Variants in NPAS1 observed in about 807,000 individuals in gnomAD.
NPAS1 encodes the protein neuronal PAS domain protein 1, also known as neuronal PAS domain-containing protein 1.
A neutral mutation model predicts 49.2 loss-of-function variants in NPAS1; 29 were observed. The observed-to-expected ratio is 0.59, with a 90% CI of 0.44 to 0.80. NPAS1 has a LOEUF of 0.80. NPAS1 is among the 30% of genes least tolerant of loss of function. NPAS1 has a pLI of 0.00. For missense variants in NPAS1, 825 were observed against 835.5 expected (o/e 0.99, Z 0.15); for synonymous variants, 408 against 380.4 (o/e 1.07, Z -0.84).
Position 47,045,217 on chromosome 19 carries a change from C to T in NPAS1, c.1339C>T (p.Gln447Ter). 2.5e-6 allele frequency: 4 copies of T among 1,613,790 alleles called. No individual in the cohort carries two copies. The highest frequency in any genetic ancestry group is 1.1e-5 in the South Asian group (1 of 91,084). The change falls in exon 12 of 12, where the codon CAG becomes TAG. Residue 447 changes from glutamine to a stop codon, truncating the protein, a stop_gained. Transcript: ENST00000602212. LOFTEE classifies it low-confidence loss of function (END_TRUNC). ...TEPEPPTEGK[Q>*]AAPAENEAPQ... ...GCCGGAGCCTCCGACGGAAGGGAAG[C>T]AGGCTGCCCCAGCGGAGAACGAGGC...
At chr19:47,029,628 T>C (rs912788177) in intron 3 of NPAS1, among the ~76,000 whole-genome samples, 91 of 152,266 alleles carry the variant, frequency 6.0e-4, no homozygotes, top group African/African-American at 2.2e-3. Flanking sequence ...CTTGAACTCC[T>C]GGCCTCAGGT....
Position 47,021,527 on chromosome 19 carries a change from GC to G in NPAS1, c.123-81del. 1 of 914,622 alleles carries G rather than the reference GC, an allele frequency of 1.1e-6. No individual in the cohort carries two copies. 56.7% of individuals were successfully genotyped at this position (914,622 alleles called of 1,614,324 possible). On this transcript the variant is annotated intron_variant, in intron 2 of 11. Transcript: ENST00000602212. The surrounding 1 kb of genome is among the most constrained non-coding windows in gnomAD (Gnocchi z 5.7). Reference sequence around the variant, plus strand: ...CCCAACGTCCCGTCCCGTTCCCAAGGCCCCGGGAGGCGGGGCTCGCCCCCAG... The same window carrying G: ...CCCAACGTCCCGTCCCGTTCCCAAGGCCCGGGAGGCGGGGCTCGCCCCCAG...
intron 6 of NPAS1, among the ~76,000 whole-genome samples, chr19:47,037,447 C>T (rs748225451): frequency 1.2e-4 from 18 of 151,462 alleles, no homozygotes; most frequent in Non-Finnish European, 1.3e-4. Flanking sequence ...AGGCACGGCG[C>T]GGAGAGGTTA....
At chr19:47,042,527 G>A (rs1353738710) in intron 10 of NPAS1, among the ~76,000 whole-genome samples, 2 of 152,236 alleles carry the variant, frequency 1.3e-5, no homozygotes, top group Admixed American at 1.3e-4. Flanking sequence ...TTGAAAGGAA[G>A]ATGTAGACAT....
intron 3 of NPAS1, among the ~76,000 whole-genome samples, chr19:47,027,928 A>G (rs1357724657): frequency 1.3e-5 from 2 of 151,978 alleles, no homozygotes; most frequent in Admixed American, 1.3e-4. Context: ...GGGGAGAGGG[A>G]GAGGAGGAAA....
intron 3 of NPAS1, among the ~76,000 whole-genome samples, chr19:47,025,674 CAA>C (rs1198630752): frequency 1.3e-5 from 2 of 151,872 alleles, no homozygotes; most frequent in African/African-American, 4.8e-5. Flanking sequence ...CTACTAGGCT[CAA>C]GAGTTCCTCT....
chr19:47,021,858 A>G lies in NPAS1; in HGVS notation c.358+11A>G. 1 of 1,438,684 alleles carries G rather than the reference A, an allele frequency of 7.0e-7. No homozygotes were observed. Among genetic ancestry groups the G allele is most frequent in the Non-Finnish European group, 9.1e-7 (1 of 1,099,574 alleles). 89.1% of individuals were successfully genotyped at this position (1,438,684 alleles called of 1,614,324 possible). The stretch of plus-strand genomic sequence containing the variant: ...CGCCAGCTGGCCTCGGTGAGTGCTC[A>G]TGCGCGGGGCGAGGGTCCCGGGGCC... On this transcript the variant is annotated intron_variant, in intron 3 of 11. Transcript: ENST00000602212. This position sits in a 1 kb window ranked among gnomAD's most constrained non-coding sequence, Gnocchi z 5.7.
chr19:47,035,734 T>G, intron 5 of NPAS1: 2 of 495,372 alleles, frequency 4.0e-6, no homozygotes, highest in Non-Finnish European at 7.0e-6. Context: ...CTTAATAGAG[T>G]GGGCGGGGAA....
In NPAS1 at chr19:47,021,203, C is replaced by T. The variant is rs767761168; in HGVS notation, c.122+34C>T. On this transcript the variant is annotated intron_variant, in intron 2 of 11. Coordinates refer to ENST00000602212, the MANE Select transcript of NPAS1 (RefSeq NM_002517.4). The surrounding 1 kb of genome is among the most constrained non-coding windows in gnomAD (Gnocchi z 5.7). ...AGCCCCGCCCCCCTGGCCGCGGGCC[C>T]CCCCCCGGGTCCAATTCACACCCGA... The T allele has an allele frequency of 8.1e-6, 12 of 1,488,382 alleles. No individual in the cohort carries two copies. Among genetic ancestry groups the T allele is most frequent in the African/African-American group, 5.7e-5 (4 of 70,056 alleles). The allele number at this position is 1,488,382 out of a possible 1,614,324, so 92.2% of individuals were successfully genotyped here.
Position 47,021,583 on chromosome 19 carries a change from C to T in NPAS1, c.123-29C>T. ...CAAGCCCCTGAGCCCCGGGGCCCCG[C>T]CGACACCTCCTCCGCGCCGCCCGCC... On this transcript the variant is annotated intron_variant, in intron 2 of 11. Transcript: ENST00000602212. This position sits in a 1 kb window ranked among gnomAD's most constrained non-coding sequence, Gnocchi z 5.7. 7.0e-7 allele frequency: 1 copy of T among 1,421,952 alleles called. No individual in the cohort carries two copies. Among genetic ancestry groups the T allele is most frequent in the Non-Finnish European group, 9.2e-7 (1 of 1,084,598 alleles). 88.1% of individuals were successfully genotyped at this position (1,421,952 alleles called of 1,614,324 possible).
chr19:47,029,113 C>T (rs2056890841), intron 3 of NPAS1, among the ~76,000 whole-genome samples: 1 of 151,642 alleles, frequency 6.6e-6, no homozygotes, highest in Non-Finnish European at 1.5e-5. Context: ...TGGAGTCTTG[C>T]TCTTGCTGCC....
chr19:47,024,809 CTT>C (rs774304674), intron 3 of NPAS1, among the ~76,000 whole-genome samples: 42 of 133,546 alleles, frequency 3.1e-4, no homozygotes, highest in African/African-American at 6.6e-4. Flanking sequence ...TTCCCTATTG[CTT>C]TTTTTTTTTT....
In NPAS1 at chr19:47,039,502, C is replaced by T. The variant is rs1489602067; in HGVS notation, c.900C>T (p.Leu300=). 6.2e-7 allele frequency: 1 copy of T among 1,611,014 alleles called. No homozygotes were observed. The highest frequency in any genetic ancestry group is 8.5e-7 in the Non-Finnish European group (1 of 1,178,540). ...CGGCCCCCCTGGCTGAGCTGCCACT[C>T]CATGGACACATGATCGTCTTCCGTC... The part of the protein sequence containing the change: ...LPPAPLAELP[L]HGHMIVFRLS... The change falls in exon 8 of 12, where the codon CTC becomes CTT. Residue 300 remains leucine, a synonymous_variant. Transcript: ENST00000602212.
At chr19:47,038,009 A>G (rs558934026) in intron 6 of NPAS1, among the ~76,000 whole-genome samples, 11 of 152,194 alleles carry the variant, frequency 7.2e-5, no homozygotes, top group Non-Finnish European at 1.5e-4. Context: ...ACCTGTCCTC[A>G]GACAGTGGCA....
intron 10 of NPAS1, 147 bp downstream of exon 10, chr19:47,041,272 G>A (rs1344503036): frequency 5.0e-6 from 4 of 803,358 alleles, no homozygotes; most frequent in East Asian, 6.3e-5. Flanking sequence ...GGAGGATGGT[G>A]AGAGCAGAGG....
intron 3 of NPAS1, among the ~76,000 whole-genome samples, chr19:47,028,115 C>T (rs1032993850): frequency 6.6e-6 from 1 of 151,836 alleles, no homozygotes; most frequent in Non-Finnish European, 1.5e-5. Flanking sequence ...CCCGACGTGC[C>T]CATTAATGTT....
chr19:47,024,548 G>A (rs767237625), intron 3 of NPAS1, among the ~76,000 whole-genome samples: 1 of 152,128 alleles, frequency 6.6e-6, no homozygotes, highest in East Asian at 1.9e-4. Context: ...TCAGAGGGAG[G>A]CACTATTATG....
chr19:47,045,232 G>C lies in NPAS1; in HGVS notation c.1354G>C (p.Glu452Gln). 1 of 1,613,918 alleles carries C rather than the reference G, an allele frequency of 6.2e-7. No homozygotes were observed. Among genetic ancestry groups the C allele is most frequent in the Non-Finnish European group, 8.5e-7 (1 of 1,179,968 alleles). ...PTEGKQAAPA[E>Q]NEAPQTQGKR... ...GGAAGGGAAGCAGGCTGCCCCAGCG[G>C]AGAACGAGGCCCCCCAGACCCAGGG... Residue 452 changes from glutamate (E) to glutamine (Q), a missense_variant, in exon 12 of 12, where the codon GAG becomes CAG. Coordinates refer to ENST00000602212, the MANE Select transcript of NPAS1 (RefSeq NM_002517.4).
At chr19:47,028,330 C>T (rs551293946) in intron 3 of NPAS1, among the ~76,000 whole-genome samples, 10 of 151,732 alleles carry the variant, frequency 6.6e-5, no homozygotes, top group South Asian at 4.2e-4. Context: ...GAGCTCCAGG[C>T]GGAGGTGGAG....
Sources: allele counts gnomAD v4.1 joint callset (sites outside exome capture counted in the v4.1 genomes callset), GRCh38; gene constraint gnomAD v4.1.1; non-coding constraint Gnocchi (gnomAD v3.1); transcripts MANE v1.5; gene names NCBI Gene and HGNC (gene_info 2026-07-23, HGNC 2026-07-21).